The following PTPRN2 variants were observed in gnomAD, a reference collection of about 807,000 sequenced individuals.
PTPRN2 encodes protein tyrosine phosphatase receptor type N2, also known as receptor-type tyrosine-protein phosphatase N2.
Under a neutral mutation model 118.8 loss-of-function variants are expected in PTPRN2, and 74 were observed. The ratio of observed to expected loss-of-function variants is 0.62; its 90% CI spans 0.52 to 0.76. The LOEUF is 0.76. PTPRN2 is among the 30% of genes least tolerant of loss of function. PTPRN2 has a pLI of 0.00. For synonymous variants in PTPRN2, 641 were observed against 608.0 expected, an observed-to-expected ratio of 1.05 and a Z score of -0.80; for missense variants, 1,481 against 1,394.4, an observed-to-expected ratio of 1.06 and a Z score of -0.99.
intron 3 of PTPRN2, among the ~76,000 whole-genome samples, chr7:158,265,967 C>A (rs769965069): frequency 2.6e-5 from 4 of 152,136 alleles, no homozygotes; most frequent in Non-Finnish European, 4.4e-5. Context: ...GCGCAGGGCT[C>A]CTTCGCCTCC....
Position 157,801,210 on chromosome 7 carries a change from A to C in PTPRN2, c.1788+97463T>G, listed in dbSNP as rs1385540827. Among the ~76,000 whole-genome samples, 1 of 151,954 alleles carries C rather than the reference A, an allele frequency of 6.6e-6. No individual in the cohort carries two copies. Among genetic ancestry groups the C allele is most frequent in the Non-Finnish European group, 1.5e-5 (1 of 68,004 alleles). On this transcript the variant is annotated intron_variant, in intron 12 of 22. Coordinates refer to ENST00000389418, the MANE Select transcript of PTPRN2 (RefSeq NM_002847.5). The surrounding 1 kb of genome is among the most constrained non-coding windows in gnomAD (Gnocchi z 4.2). ...TCATCTGATTCCGCTACACGGTGCA[A>C]GTTACGCCAGACCAGAAACTGAACC...
intron 12 of PTPRN2, among the ~76,000 whole-genome samples, chr7:157,814,872 C>T (rs994356389): frequency 6.6e-6 from 1 of 152,234 alleles, no homozygotes; most frequent in African/African-American, 2.4e-5. Flanking sequence ...CAGAGGGCGC[C>T]TCTGCACAGA....
At chr7:158,442,569 T>C (rs1817423839) in intron 2 of PTPRN2, among the ~76,000 whole-genome samples, 1 of 152,176 alleles carries the variant, frequency 6.6e-6, no homozygotes, top group Admixed American at 6.5e-5. Flanking sequence ...TTTGCAGAAC[T>C]ACAGGATTCC....
intron 13 of PTPRN2, among the ~76,000 whole-genome samples, chr7:157,679,265 G>A (rs1436361716): frequency 1.3e-5 from 2 of 152,184 alleles, no homozygotes; most frequent in South Asian, 2.1e-4. Context: ...CTAAAACAAT[G>A]GGGAGAAGTT....
intron 3 of PTPRN2, among the ~76,000 whole-genome samples, chr7:158,314,286 G>T (rs1257118675): frequency 2.0e-5 from 3 of 152,226 alleles, no homozygotes; most frequent in African/African-American, 7.2e-5. Flanking sequence ...TCATCTGTTT[G>T]CTCCTTAAAT....
At chr7:157,906,187 G>C (rs755150175) in intron 11 of PTPRN2, among the ~76,000 whole-genome samples, 4 of 152,204 alleles carry the variant, frequency 2.6e-5, no homozygotes, top group Non-Finnish European at 5.9e-5. Context: ...GGAAGAGGAA[G>C]GGGAAAGAGC....
At chr7:157,932,958 C>CCA (rs1433132889) in intron 11 of PTPRN2, among the ~76,000 whole-genome samples, 3 of 130,226 alleles carry the variant, frequency 2.3e-5, no homozygotes, top group African/African-American at 9.7e-5. Context: ...GTGAGTCACT[C>CCA]ATTGACAGTT....
intron 12 of PTPRN2, among the ~76,000 whole-genome samples, chr7:157,771,398 G>C (rs1489399465): frequency 6.6e-6 from 1 of 152,202 alleles, no homozygotes; most frequent in South Asian, 2.1e-4. Context: ...CTCCATCTCT[G>C]ATATAAAACT....
At chr7:157,556,646 T>C in intron 21 of PTPRN2, among the ~76,000 whole-genome samples, 1 of 137,740 alleles carries the variant, frequency 7.3e-6, no homozygotes, top group African/African-American at 2.8e-5. Flanking sequence ...CACACACACA[T>C]TCACACAAAC....
chr7:157,874,565 C>T lies in PTPRN2; in HGVS notation c.1788+24108G>A, dbSNP rs1795593668. ...CTTCGGGGTCACCTGCACGGCCTCT[C>T]GTGAGTAGGGGGATTTCCTACTCGC... On this transcript the variant is annotated intron_variant, in intron 12 of 22. Coordinates refer to ENST00000389418, the MANE Select transcript of PTPRN2 (RefSeq NM_002847.5). This position sits in a 1 kb window ranked among gnomAD's most constrained non-coding sequence, Gnocchi z 5.8. Among the ~76,000 whole-genome samples the T allele has an allele frequency of 6.6e-6, 1 of 152,178 alleles. No individual in the cohort carries two copies.
chr7:158,009,480 G>T (rs2128867598), intron 11 of PTPRN2, among the ~76,000 whole-genome samples: 1 of 152,136 alleles, frequency 6.6e-6, no homozygotes, highest in East Asian at 1.9e-4. Flanking sequence ...AGAAATGTTG[G>T]TATATGTGAT....
chr7:157,902,793 C>G (rs775486420), intron 11 of PTPRN2, among the ~76,000 whole-genome samples: 1 of 152,148 alleles, frequency 6.6e-6, no homozygotes, highest in Non-Finnish European at 1.5e-5. Context: ...TTCCAAAGCA[C>G]GTGCTGTGGT....
intron 12 of PTPRN2, among the ~76,000 whole-genome samples, chr7:157,892,706 G>T (rs1554484232): frequency 6.6e-6 from 1 of 151,118 alleles, no homozygotes; most frequent in Non-Finnish European, 1.5e-5. Flanking sequence ...ATTAAAATTA[G>T]AAAAAAAAAT....
At chr7:158,193,971 G>GGCA (rs1221650166) in intron 4 of PTPRN2, among the ~76,000 whole-genome samples, 1 of 151,542 alleles carries the variant, frequency 6.6e-6, no homozygotes, top group East Asian at 1.9e-4. Context: ...CTATAATCCT[G>GGCA]GCACTTTGGG....
At chr7:158,453,534 G>A (rs1229840571) in intron 2 of PTPRN2, among the ~76,000 whole-genome samples, 1 of 152,220 alleles carries the variant, frequency 6.6e-6, no homozygotes, top group Non-Finnish European at 1.5e-5. Context: ...AACTCCTGAT[G>A]AGATGGTGTG....
At chr7:158,328,479 A>G (rs930565546) in intron 2 of PTPRN2, among the ~76,000 whole-genome samples, 8 of 152,246 alleles carry the variant, frequency 5.3e-5, no homozygotes, top group African/African-American at 1.9e-4. Flanking sequence ...ACAGAGTGAC[A>G]GTGCCTGGGA....
chr7:158,550,928 C>T (rs1826614036), intron 1 of PTPRN2, among the ~76,000 whole-genome samples: 2 of 152,204 alleles, frequency 1.3e-5, no homozygotes, highest in South Asian at 4.1e-4. Context: ...ACATCTGGCC[C>T]TCATCCCATC....
chr7:157,910,072 G>C lies in PTPRN2; in HGVS notation c.1724-11335C>G, dbSNP rs115746253. 4.5e-3 allele frequency among the ~76,000 whole-genome samples: 682 copies of C among 152,298 alleles called. 6 individuals carry two copies. Among genetic ancestry groups the C allele is most frequent in the African/African-American group, 0.016 (659 of 41,556 alleles). ...CTTCCACACCCACAGTTCTAGTTTT[G>C]AACTAAAGAGCCAACGATAAAAGGA... On this transcript the variant is annotated intron_variant, in intron 11 of 22. Transcript: ENST00000389418.
chr7:158,138,173 T>A (rs567107624), intron 7 of PTPRN2, 121 bp downstream of exon 7: 2 of 824,870 alleles, frequency 2.4e-6, no homozygotes, highest in African/African-American at 3.5e-5. Flanking sequence ...TTAATACAGA[T>A]CCCCATCTCC....
Sources: allele counts gnomAD v4.1 joint callset (sites outside exome capture counted in the v4.1 genomes callset), GRCh38; gene constraint gnomAD v4.1.1; non-coding constraint Gnocchi (gnomAD v3.1); transcripts MANE v1.5; gene names NCBI Gene and HGNC (gene_info 2026-07-23, HGNC 2026-07-21).